Variants in VPS37A observed in about 807,000 individuals in gnomAD.
VPS37A encodes the protein VPS37A subunit of ESCRT-I, also known as vacuolar protein sorting-associated protein 37A.
Under a neutral mutation model 49.8 loss-of-function variants are expected in VPS37A, and 30 were observed. The ratio of observed to expected loss-of-function variants is 0.60; its 90% CI spans 0.45 to 0.82. The LOEUF (loss-of-function observed/expected upper bound fraction) is 0.82. Among genes scored for constraint, VPS37A ranks in the 40% least tolerant of loss-of-function variants. The pLI is 0.00. For synonymous variants in VPS37A, 195 were observed against 160.6 expected (o/e 1.21, Z -1.62); for missense variants, 593 against 464.4 (o/e 1.28, Z -2.55).
chr8:17,320,121 A>G, the VPS37A span, among the ~76,000 whole-genome samples: 4 of 151,868 alleles, frequency 2.6e-5, no homozygotes, highest in Admixed American at 2.6e-4. Flanking sequence ...CATTATGAAA[A>G]TTAATAATAT....
chr8:17,309,162 G>T, the VPS37A span: 241 of 705,836 alleles, frequency 3.4e-4, 3 homozygotes, highest in Middle Eastern at 1.5e-3. Flanking sequence ...TAAGCTTTCT[G>T]AATAAGAGAC....
chr8:17,255,373 C>T (rs1476257587), intron 1 of VPS37A, among the ~76,000 whole-genome samples: 4 of 151,910 alleles, frequency 2.6e-5, no homozygotes, highest in East Asian at 3.9e-4. Flanking sequence ...CCCAGCTACT[C>T]GGGAGGCTGA....
chr8:17,247,528 C>G (rs1263146096), intron 1 of VPS37A, 159 bp downstream of exon 1: 1 of 1,042,802 alleles, frequency 9.6e-7, no homozygotes, highest in Admixed American at 2.1e-5. Flanking sequence ...ACTCCTGCCC[C>G]CTTTTACTGT....
chr8:17,281,817 A>G (rs571490592), intron 9 of VPS37A, among the ~76,000 whole-genome samples: 2 of 152,188 alleles, frequency 1.3e-5, no homozygotes, highest in South Asian at 4.1e-4. Context: ...CAAAATTGTA[A>G]AGTACTTAGA....
chr8:17,304,559 G>A (rs1310651938), downstream of VPS37A: 10 of 1,591,812 alleles, frequency 6.3e-6, no homozygotes, highest in African/African-American at 9.4e-5. Context: ...ACCTATTTTG[G>A]TGCTTACACA....
chr8:17,304,746 C>CGTGTGTGTGTGTGT (rs10527892), downstream of VPS37A, among the ~76,000 whole-genome samples: 381 of 147,068 alleles, frequency 2.6e-3, 1 homozygote, highest in Admixed American at 2.8e-3. Flanking sequence ...GTGTTCGATT[C>CGTGTGTGTGTGTGT]GTGTGTGTGT....
intron 9 of VPS37A, among the ~76,000 whole-genome samples, chr8:17,281,026 G>A (rs1208582493): frequency 6.6e-6 from 1 of 151,468 alleles, no homozygotes; most frequent in Non-Finnish European, 1.5e-5. Context: ...AGGAACTTTG[G>A]GTAAAGTCAA....
At chr8:17,304,481 C>T (rs1246916140), downstream of VPS37A, 2 of 1,613,968 alleles carry the variant, frequency 1.2e-6, no homozygotes, top group South Asian at 1.1e-5. Context: ...CCGATTCTTC[C>T]ACAGGTGAGC....
At chr8:17,330,759 A>G in the VPS37A span, among the ~76,000 whole-genome samples, 1 of 152,344 alleles carries the variant, frequency 6.6e-6, no homozygotes, top group Middle Eastern at 3.4e-3. Flanking sequence ...ATGGCCATTC[A>G]GCAAGGATCA....
At chr8:17,329,924 G>A in the VPS37A span, among the ~76,000 whole-genome samples, 1 of 152,150 alleles carries the variant, frequency 6.6e-6, no homozygotes, top group Admixed American at 6.5e-5. Context: ...AAATGGCTCT[G>A]GGGCTGAGAT....
At chr8:17,267,170 T>G (rs1813545461) in intron 2 of VPS37A, among the ~76,000 whole-genome samples, 1 of 152,138 alleles carries the variant, frequency 6.6e-6, no homozygotes, top group African/African-American at 2.4e-5. Flanking sequence ...TTAGTGCCTT[T>G]TTTACCAAAC....
intron 1 of VPS37A, among the ~76,000 whole-genome samples, chr8:17,263,962 T>A (rs985397178): frequency 6.6e-6 from 1 of 152,128 alleles, no homozygotes; most frequent in African/African-American, 2.4e-5. Context: ...CAAAAAACTT[T>A]AATACTATAA....
At chr8:17,308,254 ATTCT>A in the VPS37A span, among the ~76,000 whole-genome samples, 1 of 151,978 alleles carries the variant, frequency 6.6e-6, no homozygotes, top group Non-Finnish European at 1.5e-5. Flanking sequence ...TCATTTCCAT[ATTCT>A]TTCTGTCATC....
At chr8:17,251,696 C>G (rs535840314) in intron 1 of VPS37A, among the ~76,000 whole-genome samples, 1 of 152,208 alleles carries the variant, frequency 6.6e-6, no homozygotes, top group African/African-American at 2.4e-5. Context: ...TTATCTTGCA[C>G]ACAGGAGATG....
At chr8:17,323,936 A>C in the VPS37A span, among the ~76,000 whole-genome samples, 1 of 152,216 alleles carries the variant, frequency 6.6e-6, no homozygotes, top group Admixed American at 6.5e-5. Context: ...AACATTTTAA[A>C]ATTAATCTTT....
chr8:17,326,300 A>C, the VPS37A span: 1 of 152,214 alleles, frequency 6.6e-6, no homozygotes, highest in Non-Finnish European at 1.5e-5. Flanking sequence ...CGTAAAATGA[A>C]GATAAGAGTG....
At chr8:17,266,319 T>C (rs546160826) in intron 2 of VPS37A, among the ~76,000 whole-genome samples, 5 of 152,310 alleles carry the variant, frequency 3.3e-5, no homozygotes, top group African/African-American at 9.6e-5. Flanking sequence ...CCGTTAGAGA[T>C]AGATTCACCT....
At chr8:17,254,707 A>ATATGG (rs1439197046) in intron 1 of VPS37A, among the ~76,000 whole-genome samples, 1 of 151,606 alleles carries the variant, frequency 6.6e-6, no homozygotes, top group African/African-American at 2.4e-5. Flanking sequence ...ATTTATCTGT[A>ATATGG]TATGGTAGTT....
At chr8:17,311,718 T>C in the VPS37A span, 42 of 1,587,136 alleles carry the variant, frequency 2.6e-5, no homozygotes, top group South Asian at 4.5e-4. Context: ...GGTTTGACTG[T>C]ATATTTACAG....
Sources: allele counts gnomAD v4.1 joint callset (sites outside exome capture counted in the v4.1 genomes callset), GRCh38; gene constraint gnomAD v4.1.1; transcripts MANE v1.5; gene names NCBI Gene and HGNC (gene_info 2026-07-23, HGNC 2026-07-21).